Variants in PATL1 observed in about 807,000 individuals in gnomAD.
PATL1 encodes the protein PAT1 homolog 1, processing body mRNA decay factor, also known as protein PAT1 homolog 1.
In PATL1, 32 loss-of-function variants were observed where a neutral mutation model predicts 100.6. The ratio of observed to expected loss-of-function variants is 0.32; its 90% CI spans 0.24 to 0.43. The LOEUF (loss-of-function observed/expected upper bound fraction) is 0.43, where lower values mean the gene tolerates loss of function less well. PATL1 is among the 20% of genes least tolerant of loss of function. The pLI, the probability that PATL1 is intolerant of heterozygous loss-of-function variation, is 1.00. For missense variants in PATL1, 747 were observed against 949.9 expected (o/e 0.79, Z 2.81); for synonymous variants, 332 against 330.0 (o/e 1.01, Z -0.07).
At chr11:59,660,114 A>G (rs1343972450) in intron 2 of PATL1, among the ~76,000 whole-genome samples, 1 of 152,226 alleles carries the variant, frequency 6.6e-6, no homozygotes, top group Non-Finnish European at 1.5e-5. Context: ...AGATTCTATG[A>G]CATTTCAAGC....
At chr11:59,660,120 C>CAAGCAAAAACTTTAAAGGG (rs1861607589) in intron 2 of PATL1, among the ~76,000 whole-genome samples, 1 of 152,168 alleles carries the variant, frequency 6.6e-6, no homozygotes, top group African/African-American at 2.4e-5. Context: ...TATGACATTT[C>CAAGCAAAAACTTTAAAGGG]AAGCAAAAAC....
At chr11:59,643,177 A>G (rs1861312069) in intron 15 of PATL1, 142 bp from the exon 16 acceptor site, 4 of 865,904 alleles carry the variant, frequency 4.6e-6, no homozygotes, top group Non-Finnish European at 5.2e-6. Context: ...GAGTCTTAAT[A>G]ATGAATTCTA....
At chr11:59,668,546 A>G (rs1861725528) in intron 1 of PATL1, among the ~76,000 whole-genome samples, 1 of 148,332 alleles carries the variant, frequency 6.7e-6, no homozygotes, top group Non-Finnish European at 1.5e-5. Context: ...ACTTAAGAAA[A>G]GCACCCGGGG....
Position 59,659,404 on chromosome 11 carries a change from TAACTGC to T in PATL1, c.187_192del (p.Ala63_Val64del), listed in dbSNP as rs1447077854. The T allele has an allele frequency of 6.4e-7, 1 of 1,551,432 alleles. No individual in the cohort carries two copies. Among genetic ancestry groups the T allele is most frequent in the Non-Finnish European group, 8.7e-7 (1 of 1,146,910 alleles). On this transcript the variant is annotated inframe_deletion, in exon 3 of 19. Transcript: ENST00000300146. ...CTCTCTCCATTGCCTGTTTGTTCAT[TAACTGC>T]CACTGGTAGCTTTTCTTCCAATTCA...
At chr11:59,639,016 T>C (rs1861234039) in intron 18 of PATL1, 32 bp downstream of exon 18, 1 of 1,605,204 alleles carries the variant, frequency 6.2e-7, no homozygotes, top group Non-Finnish European at 8.5e-7. Context: ...CCAACTTTAG[T>C]GAGATGTGAA....
In PATL1 at chr11:59,657,692, A is replaced by G; in HGVS notation, c.459T>C (p.Ala153=). Residue 153 remains alanine, a synonymous_variant, in exon 5 of 19, where the codon GCT becomes GCC. Transcript: ENST00000300146. Reference sequence around the variant, plus strand: ...GACCCTGGGGGGGCCTCTGAGGCAAAGCATATTCTAATACAGACACTGTAG... The same window carrying G: ...GACCCTGGGGGGGCCTCTGAGGCAAGGCATATTCTAATACAGACACTGTAG... The part of the protein sequence containing the change: ...EMPTVSVLEY[A]LPQRPPQGPE... The G allele has an allele frequency of 6.2e-7, 1 of 1,613,452 alleles. No individual in the cohort carries two copies. The highest frequency in any genetic ancestry group is 8.5e-7 in the Non-Finnish European group (1 of 1,179,606).
chr11:59,651,835 G>T (rs1459426859), intron 11 of PATL1, among the ~76,000 whole-genome samples, 194 bp from the exon 12 acceptor site: 1 of 151,304 alleles, frequency 6.6e-6, no homozygotes, highest in East Asian at 1.9e-4. Flanking sequence ...GAGGCCGAGG[G>T]GGGTAGATCA....
chr11:59,638,129 G>A lies in PATL1; in HGVS notation c.*261C>T. On this transcript the variant is annotated 3_prime_UTR_variant, in exon 19 of 19. Coordinates refer to ENST00000300146, the MANE Select transcript of PATL1 (RefSeq NM_152716.3). The stretch of plus-strand genomic sequence containing the variant: ...TCTAGGGCAAAGAAAATGCAAAACA[G>A]AACTGAGTAAAAGTAGGACATGCAG... The A allele has an allele frequency of 3.8e-6, 2 of 527,256 alleles. No individual in the cohort carries two copies. The highest frequency in any genetic ancestry group is 4.8e-5 in the South Asian group (2 of 41,828). The allele number at this position is 527,256 out of a possible 1,614,324, so 32.7% of individuals were successfully genotyped here.
chr11:59,656,564 T>C lies in PATL1; in HGVS notation c.658A>G (p.Met220Val), dbSNP rs779761668. ...CPKPVHVRPP[M>V]PPRYPAPYGE... ...TAGGGAGCAGGATAACGAGGTGGCA[T>C]TGGGGGCCGAACATGGACAGGCTTC... Residue 220 changes from methionine to valine, a missense_variant, in exon 6 of 19, where the codon ATG (methionine) becomes GTG (valine). Around this residue, in one of 4 missense-constraint regions of PATL1, gnomAD observed 127 missense variants for 116.0 expected, o/e 1.09. Coordinates refer to ENST00000300146, the MANE Select transcript of PATL1 (RefSeq NM_152716.3). 18 of 1,613,824 alleles carry C rather than the reference T, an allele frequency of 1.1e-5. No homozygotes were observed. The highest frequency in any genetic ancestry group is 2.2e-5 in the East Asian group (1 of 44,896).
chr11:59,642,847 A>G (rs777191055), intron 16 of PATL1, 33 bp downstream of exon 16: 2 of 1,572,664 alleles, frequency 1.3e-6, no homozygotes, highest in East Asian at 2.3e-5. Context: ...AAGACATTTC[A>G]CAAAGTTCAA....
rs148966080 is a variant in PATL1, at chr11:59,655,485, G to A, written c.1031+38C>T. On this transcript the variant is annotated intron_variant, in intron 8 of 18. Coordinates refer to ENST00000300146, the MANE Select transcript of PATL1 (RefSeq NM_152716.3). ...TACACATCCACAATCAAGAGACTTG[G>A]CTGATAACTGATAAACAGTGGCGTT... is the stretch of plus-strand genomic sequence containing the variant. 231 of 1,460,966 alleles carry A rather than the reference G, an allele frequency of 1.6e-4. No individual in the cohort carries two copies. In the African/African-American group the frequency reaches 3.1e-3, roughly 20 times the overall value. The allele number at this position is 1,460,966 out of a possible 1,614,324, so 90.5% of individuals were successfully genotyped here.
chr11:59,642,569 C>A, intron 16 of PATL1: 1 of 200,660 alleles, frequency 5.0e-6, no homozygotes, highest in Admixed American at 5.9e-5. Context: ...AATTCCACAG[C>A]CATCTTGGAC....
In PATL1 at chr11:59,668,905, G is replaced by C. The variant is rs1417886194; in HGVS notation, c.-10C>G. 1 of 819,944 alleles carries C rather than the reference G, an allele frequency of 1.2e-6. No homozygotes were observed. The highest frequency in any genetic ancestry group is 1.8e-6 in the Non-Finnish European group (1 of 570,574). The allele number at this position is 819,944 out of a possible 1,614,324, so 50.8% of individuals were successfully genotyped here. On this transcript the variant is annotated 5_prime_UTR_variant, in exon 1 of 19. Transcript: ENST00000300146. ...CCTCGTAGCGGAACATTCTTGGGGA[G>C]GGGGGCAGGGAGCGGGGAGGGGAGA...
chr11:59,655,401 T>C, intron 8 of PATL1, 122 bp downstream of exon 8: 1 of 927,640 alleles, frequency 1.1e-6, no homozygotes, highest in East Asian at 2.7e-5. Flanking sequence ...TTTGCCAACT[T>C]GAGGATCCAA....
intron 2 of PATL1, among the ~76,000 whole-genome samples, chr11:59,662,129 G>A (rs1861634267): frequency 6.6e-6 from 1 of 152,098 alleles, no homozygotes; most frequent in African/African-American, 2.4e-5. Context: ...GAGGGAAGTG[G>A]GACTTTCAAA....
chr11:59,639,449 G>A, intron 16 of PATL1, 66 bp from the exon 17 acceptor site: 1 of 1,244,576 alleles, frequency 8.0e-7, no homozygotes. Context: ...CACTGTTGAA[G>A]GGATCCTGGC....
intron 16 of PATL1, chr11:59,639,594 G>C (rs962001988): frequency 4.0e-6 from 2 of 493,882 alleles, no homozygotes; most frequent in Non-Finnish European, 7.2e-6. Flanking sequence ...GCAGTGACCA[G>C]GCGCAGCCAA....
At chr11:59,652,713 T>C (rs749037744) in intron 10 of PATL1, 125 bp downstream of exon 10, 20 of 1,506,434 alleles carry the variant, frequency 1.3e-5, no homozygotes, top group Non-Finnish European at 1.8e-5. Flanking sequence ...TAGTGAATAG[T>C]GCAAGATGCT....
At chr11:59,657,792 A>G in intron 4 of PATL1, 68 bp from the exon 5 acceptor site, 1 of 1,205,124 alleles carries the variant, frequency 8.3e-7, no homozygotes, top group Non-Finnish European at 1.1e-6. Flanking sequence ...ATCTCTACAG[A>G]TGCCAAAAAT....
Sources: allele counts gnomAD v4.1 joint callset (sites outside exome capture counted in the v4.1 genomes callset), GRCh38; gene constraint gnomAD v4.1.1; regional missense constraint gnomAD v4.1.1; transcripts MANE v1.5; gene names NCBI Gene and HGNC (gene_info 2026-07-23, HGNC 2026-07-21).